The following GALNT17 variants were observed in gnomAD, a reference collection of about 807,000 sequenced individuals.
The protein encoded by GALNT17 is UDP-GalNAc:polypeptide N-acetylgalactosaminyltransferase-like 3.
Under a neutral mutation model 63.7 loss-of-function variants are expected in GALNT17, and 29 were observed. The ratio of observed to expected loss-of-function variants is 0.46; its 90% CI spans 0.34 to 0.62. The LOEUF (loss-of-function observed/expected upper bound fraction) is 0.62. Ranked by LOEUF, GALNT17 falls within the 20% of genes least tolerant of loss-of-function variation. The pLI, the probability that GALNT17 is intolerant of heterozygous loss-of-function variation, is 0.01. For synonymous variants in GALNT17, 305 were observed against 318.3 expected, an observed-to-expected ratio of 0.96 and a Z score of 0.45; for missense variants, 603 against 799.6, an observed-to-expected ratio of 0.75 and a Z score of 2.97.
chr7:71,529,869 A>G (rs1788685518), intron 5 of GALNT17, among the ~76,000 whole-genome samples: 1 of 152,242 alleles, frequency 6.6e-6, no homozygotes, highest in South Asian at 2.1e-4. Context: ...TCAAGAATTC[A>G]TTGTTACAAA....
chr7:71,468,256 C>G (rs1563115350), intron 5 of GALNT17, among the ~76,000 whole-genome samples: 1 of 151,830 alleles, frequency 6.6e-6, no homozygotes, highest in Non-Finnish European at 1.5e-5. Context: ...TCTCCAGCTC[C>G]TTGCCTGAAG....
chr7:71,533,190 AT>A lies in GALNT17; in HGVS notation c.963-38092del, dbSNP rs1788748913. ...TAGTAATATGGTGACTAGCTTGTGC[AT>A]TTGTTAAACTATAAGGGAACAAAAA... is the stretch of plus-strand genomic sequence containing the variant. On this transcript the variant is annotated intron_variant, in intron 5 of 10. Coordinates refer to ENST00000333538, the MANE Select transcript of GALNT17 (RefSeq NM_022479.3). Among the ~76,000 whole-genome samples, 3 of 152,302 alleles carry A rather than the reference AT, an allele frequency of 2.0e-5. No homozygotes were observed. In the South Asian group the frequency reaches 6.2e-4, roughly 32 times the overall value.
chr7:71,275,742 C>CT (rs1790671329), intron 1 of GALNT17, among the ~76,000 whole-genome samples: 1 of 152,154 alleles, frequency 6.6e-6, no homozygotes, highest in Admixed American at 6.5e-5. Context: ...GGCAATGTTC[C>CT]TTTTGCAGGA....
At chr7:71,346,443 A>T (rs1792097427) in intron 2 of GALNT17, among the ~76,000 whole-genome samples, 1 of 151,816 alleles carries the variant, frequency 6.6e-6, no homozygotes. Flanking sequence ...TGTTTTATTG[A>T]TCTCATTTAA....
At chr7:71,571,990 C>T (rs1226266355) in intron 6 of GALNT17, among the ~76,000 whole-genome samples, 1 of 151,590 alleles carries the variant, frequency 6.6e-6, no homozygotes, top group Non-Finnish European at 1.5e-5. Context: ...CTAGCCTGGG[C>T]AACAGAGCAA....
chr7:71,633,533 G>T (rs1301301960), intron 6 of GALNT17, among the ~76,000 whole-genome samples: 1 of 152,186 alleles, frequency 6.6e-6, no homozygotes, highest in African/African-American at 2.4e-5. Context: ...GGAAATGAAT[G>T]CGGCTGTCAG....
intron 1 of GALNT17, among the ~76,000 whole-genome samples, chr7:71,231,056 G>A (rs1450673374): frequency 6.6e-6 from 1 of 152,102 alleles, no homozygotes; most frequent in Non-Finnish European, 1.5e-5. Context: ...TCTCTGGGGA[G>A]GGAAGGGAAA....
chr7:71,711,307 C>T (rs561364335), intron 10 of GALNT17, among the ~76,000 whole-genome samples: 290 of 146,148 alleles, frequency 2.0e-3, no homozygotes, highest in East Asian at 1.9e-3. Flanking sequence ...CCCCCACCAA[C>T]GCTCCTCACC....
At chr7:71,242,489 C>T (rs569593354) in intron 1 of GALNT17, among the ~76,000 whole-genome samples, 67 of 151,854 alleles carry the variant, frequency 4.4e-4, no homozygotes, top group Non-Finnish European at 8.5e-4. Flanking sequence ...AGGATGGTCT[C>T]GATCTCCTGA....
At chr7:71,465,346 A>C (rs1237153699) in intron 5 of GALNT17, among the ~76,000 whole-genome samples, 2 of 152,238 alleles carry the variant, frequency 1.3e-5, no homozygotes, top group Non-Finnish European at 1.5e-5. Flanking sequence ...AAAAGTAGTT[A>C]ACCTAAAAGA....
intron 9 of GALNT17, among the ~76,000 whole-genome samples, chr7:71,695,654 G>A (rs1562740002): frequency 6.6e-6 from 1 of 152,160 alleles, no homozygotes; most frequent in Non-Finnish European, 1.5e-5. Flanking sequence ...CTCCCTCAAG[G>A]ATTTCTCATG....
At chr7:71,166,362 A>G (rs1306285640) in intron 1 of GALNT17, among the ~76,000 whole-genome samples, 1 of 152,212 alleles carries the variant, frequency 6.6e-6, no homozygotes, top group Non-Finnish European at 1.5e-5. Context: ...TATAATTGAC[A>G]TACTAAAAAC....
chr7:71,606,800 T>G (rs1054364847), intron 6 of GALNT17, among the ~76,000 whole-genome samples: 1 of 152,168 alleles, frequency 6.6e-6, no homozygotes, highest in African/African-American at 2.4e-5. Flanking sequence ...CCATCTTGAT[T>G]TTTTCTGCTC....
chr7:71,465,522 A>G (rs1018986372), intron 5 of GALNT17, among the ~76,000 whole-genome samples: 4 of 152,198 alleles, frequency 2.6e-5, no homozygotes, highest in African/African-American at 9.6e-5. Flanking sequence ...AATTTTCTAC[A>G]TGCGTGTTTC....
rs868480143 is a variant in GALNT17, at chr7:71,674,348, T to A, written c.1405-2863T>A. Among the ~76,000 whole-genome samples, 458 of 146,178 alleles carry A rather than the reference T, an allele frequency of 3.1e-3. 1 individual carries two copies. Among genetic ancestry groups the A allele is most frequent in the African/African-American group, 8.6e-3 (350 of 40,476 alleles). ...CCAATTTTTAAATAGCTCTTCCTTT[T>A]TAAAAAAAAAAAAAAGAGATAGGGT... is the stretch of plus-strand genomic sequence containing the variant. On this transcript the variant is annotated intron_variant, in intron 8 of 10. Transcript: ENST00000333538.
At chr7:71,512,155 A>G (rs1324259148) in intron 5 of GALNT17, among the ~76,000 whole-genome samples, 1 of 151,652 alleles carries the variant, frequency 6.6e-6, no homozygotes. Context: ...GGTGTGTGCC[A>G]CCATGCCTCC....
intron 1 of GALNT17, 44 bp from the exon 2 acceptor site, chr7:71,335,506 T>C: frequency 6.7e-7 from 1 of 1,497,510 alleles, no homozygotes; most frequent in South Asian, 1.4e-5. Flanking sequence ...TACATCCTGG[T>C]ATGGTGGTTT....
intron 1 of GALNT17, among the ~76,000 whole-genome samples, chr7:71,332,740 G>A (rs559105406): frequency 4.5e-4 from 69 of 152,288 alleles, no homozygotes; most frequent in Middle Eastern, 3.4e-3. Flanking sequence ...TGCCCAGGCT[G>A]GAGTGCAGTG....
At chr7:71,550,797 T>C (rs1301045999) in intron 5 of GALNT17, among the ~76,000 whole-genome samples, 3 of 152,224 alleles carry the variant, frequency 2.0e-5, no homozygotes, top group Non-Finnish European at 4.4e-5. Context: ...GATTTTAATT[T>C]TTTCATTATG....
Sources: allele counts gnomAD v4.1 joint callset (sites outside exome capture counted in the v4.1 genomes callset), GRCh38; gene constraint gnomAD v4.1.1; transcripts MANE v1.5; gene names NCBI Gene and HGNC (gene_info 2026-07-23, HGNC 2026-07-21).